RPSA2: variants seen among roughly 807,000 people sequenced by gnomAD.
RPSA2 encodes small ribosomal subunit protein uS2B.
the RPSA2 span, among the ~76,000 whole-genome samples, chr19:23,843,605 A>G: frequency 1.3e-5 from 2 of 152,178 alleles, no homozygotes; most frequent in African/African-American, 2.4e-5. Context: ...TTTTTGAGAA[A>G]CTGCATGTTA....
the RPSA2 span, among the ~76,000 whole-genome samples, chr19:23,788,279 A>G: frequency 4.6e-5 from 7 of 152,072 alleles, no homozygotes; most frequent in African/African-American, 1.7e-4. Context: ...CCTGAGCCCT[A>G]TGAAAAGATA....
chr19:23,859,185 T>G, the RPSA2 span, among the ~76,000 whole-genome samples: 1 of 152,156 alleles, frequency 6.6e-6, no homozygotes, highest in Non-Finnish European at 1.5e-5. Context: ...TTAAGAAATA[T>G]AGCACATTTT....
chr19:23,837,296 GTATT>G, the RPSA2 span, among the ~76,000 whole-genome samples: 1 of 152,102 alleles, frequency 6.6e-6, no homozygotes, highest in African/African-American at 2.4e-5. Flanking sequence ...TTGGCTGTAA[GTATT>G]TGGGTTTATT....
the RPSA2 span, among the ~76,000 whole-genome samples, chr19:23,772,535 A>C: frequency 8.6e-5 from 1 of 11,678 alleles, no homozygotes; most frequent in East Asian, 3.3e-3. Flanking sequence ...TAGATGAGTC[A>C]CATCCTTGGT....
the RPSA2 span, among the ~76,000 whole-genome samples, chr19:23,778,214 GTTT>G: frequency 6.6e-6 from 1 of 152,028 alleles, no homozygotes; most frequent in Non-Finnish European, 1.5e-5. Flanking sequence ...TCCTTTGTGG[GTTT>G]TTTGTTTTGT....
the RPSA2 span, among the ~76,000 whole-genome samples, chr19:23,836,873 T>C: frequency 3.3e-5 from 5 of 152,328 alleles, no homozygotes; most frequent in African/African-American, 9.6e-5. Flanking sequence ...TTACAGATTC[T>C]GTATATTAGT....
At chr19:23,797,682 TGTA>T in the RPSA2 span, among the ~76,000 whole-genome samples, 1 of 152,240 alleles carries the variant, frequency 6.6e-6, no homozygotes, top group Non-Finnish European at 1.5e-5. Flanking sequence ...TGTGGGATGT[TGTA>T]GTCTCCCACT....
the RPSA2 span, among the ~76,000 whole-genome samples, chr19:23,850,242 T>A: frequency 6.8e-6 from 1 of 147,570 alleles, no homozygotes; most frequent in Non-Finnish European, 1.5e-5. Flanking sequence ...CTAATAAGAA[T>A]AAGTATGTGT....
At chr19:23,784,876 A>G in the RPSA2 span, among the ~76,000 whole-genome samples, 1 of 152,198 alleles carries the variant, frequency 6.6e-6, no homozygotes, top group Non-Finnish European at 1.5e-5. Flanking sequence ...TGCAGAAGAA[A>G]TTTTGGCTCT....
chr19:23,810,980 T>C, the RPSA2 span, among the ~76,000 whole-genome samples: 1,559 of 151,648 alleles, frequency 0.01, 15 homozygotes, highest in Non-Finnish European at 0.015. Flanking sequence ...ACTCCCTTCC[T>C]GGATCTCAGA....
chr19:23,820,043 A>G, the RPSA2 span, among the ~76,000 whole-genome samples: 4 of 152,194 alleles, frequency 2.6e-5, no homozygotes, highest in African/African-American at 9.7e-5. Context: ...CTGATGGGGA[A>G]AGCCTTGACC....
the RPSA2 span, among the ~76,000 whole-genome samples, chr19:23,766,143 CTTTTTTTTTTTTTTTTTTT>C: frequency 3.4e-5 from 1 of 29,382 alleles, no homozygotes; most frequent in African/African-American, 1.1e-4. Context: ...ATTTCATTTC[CTTTTTTTTTTTTTTTTTTT>C]TTTTTTTTGA....
At chr19:23,862,285 A>G in the RPSA2 span, among the ~76,000 whole-genome samples, 1,742 of 151,732 alleles carry the variant, frequency 0.011, 36 homozygotes, top group African/African-American at 0.039. Flanking sequence ...GGGCTGAGAC[A>G]ATGGGGTTTT....
chr19:23,816,316 G>T, the RPSA2 span, among the ~76,000 whole-genome samples: 1 of 151,912 alleles, frequency 6.6e-6, no homozygotes, highest in Admixed American at 6.6e-5. Flanking sequence ...GTGTATTTTT[G>T]GTTGAGACAG....
chr19:23,868,153 G>A, the RPSA2 span, among the ~76,000 whole-genome samples: 1 of 152,156 alleles, frequency 6.6e-6, no homozygotes, highest in East Asian at 1.9e-4. Context: ...AGCAGGGCTT[G>A]CCATCCCCAG....
the RPSA2 span, among the ~76,000 whole-genome samples, chr19:23,820,487 C>T: frequency 6.6e-6 from 1 of 152,126 alleles, no homozygotes; most frequent in Non-Finnish European, 1.5e-5. Context: ...GAGGCATGGT[C>T]AGGGCTTCTT....
At chr19:23,799,880 G>GA in the RPSA2 span, among the ~76,000 whole-genome samples, 1 of 152,160 alleles carries the variant, frequency 6.6e-6, no homozygotes, top group Non-Finnish European at 1.5e-5. Context: ...AATTTAGGAT[G>GA]AACTATGTAT....
At chr19:23,835,301 A>G in the RPSA2 span, among the ~76,000 whole-genome samples, 57 of 152,278 alleles carry the variant, frequency 3.7e-4, no homozygotes, top group Non-Finnish European at 6.2e-4. Context: ...ATTCACATCT[A>G]TTAGTCTAAA....
the RPSA2 span, among the ~76,000 whole-genome samples, chr19:23,844,076 A>G: frequency 6.6e-6 from 1 of 151,822 alleles, no homozygotes; most frequent in African/African-American, 2.4e-5. Context: ...TTTCTTTTTG[A>G]TATTAGGAAT....
Sources: gnomAD v4.1 joint callset for allele counts (sites outside exome capture counted in the v4.1 genomes callset) on GRCh38, gnomAD v4.1.1 for gene constraint, MANE v1.5 for transcripts, NCBI Gene and HGNC (gene_info 2026-07-23, HGNC 2026-07-21) for gene names.